Variants in SEC16A observed in about 807,000 individuals in gnomAD.
SEC16A encodes the protein SEC16 homolog A, endoplasmic reticulum export factor.
In SEC16A, 110 loss-of-function variants were observed where a neutral mutation model predicts 221.9. The observed-to-expected ratio is 0.50, with a 90% CI of 0.42 to 0.58. The LOEUF (loss-of-function observed/expected upper bound fraction) is 0.58, where lower values mean the gene tolerates loss of function less well. Ranked by LOEUF, SEC16A falls within the 20% of genes least tolerant of loss-of-function variation. The probability of loss-of-function intolerance (pLI) is 0.00; values close to 1 mark genes in which losing one functional copy is unlikely to be tolerated. For synonymous variants in SEC16A, 1,393 were observed against 1,257.7 expected, an observed-to-expected ratio of 1.11 and a Z score of -2.28; for missense variants, 3,165 against 3,097.8, an observed-to-expected ratio of 1.02 and a Z score of -0.52.
chr9:136,451,447 C>G (rs1211868438), intron 22 of SEC16A, 39 bp from the exon 23 acceptor site: 2 of 1,546,306 alleles, frequency 1.3e-6, no homozygotes, highest in Admixed American at 4.2e-5. Context: ...TCCTGGGGCT[C>G]CTCACAGGAA....
At chr9:136,455,562 G>T (rs780553489) in intron 20 of SEC16A, 39 bp downstream of exon 20, 1 of 1,508,182 alleles carries the variant, frequency 6.6e-7, no homozygotes, top group East Asian at 2.5e-5. Context: ...CAGGAAGCAG[G>T]GGCTTGTCTG....
chr9:136,476,079 G>T lies in SEC16A; in HGVS notation c.1537C>A (p.Leu513Met). Residue 513 changes from leucine (L) to methionine (M), a missense_variant, in exon 3 of 32, where the codon CTG becomes ATG. Physicochemically the swap from Leu to Met is conservative, Grantham distance 15. Coordinates refer to ENST00000684901, the MANE Select transcript of SEC16A (RefSeq NM_014866.2). The stretch of plus-strand genomic sequence containing the variant: ...ACGCTGTCAGGGTGCACTGTATGCA[G>T]TGTGGCATCAGGGGCTCCGGTGTGG... ...VCHTGAPDATLHTVHPDSVSS... is the reference protein window; with the variant it reads ...VCHTGAPDATMHTVHPDSVSS... 4.3e-6 allele frequency: 7 copies of T among 1,613,636 alleles called. No homozygotes were observed. The highest frequency in any genetic ancestry group is 5.9e-6 in the Non-Finnish European group (7 of 1,179,882).
At chr9:136,471,185 G>T (rs979754384) in intron 4 of SEC16A, among the ~76,000 whole-genome samples, 1 of 151,880 alleles carries the variant, frequency 6.6e-6, no homozygotes, top group Non-Finnish European at 1.5e-5. Flanking sequence ...AACATAGGCT[G>T]GCCGGGCGCA....
chr9:136,468,675 T>A (rs1462815195), intron 4 of SEC16A, among the ~76,000 whole-genome samples, 163 bp from the exon 5 acceptor site: 1 of 152,246 alleles, frequency 6.6e-6, no homozygotes, highest in Non-Finnish European at 1.5e-5. Context: ...GATGAGACTG[T>A]GGAATTTCCC....
chr9:136,472,101 C>T lies in SEC16A; in HGVS notation c.3578G>A (p.Ser1193Asn), dbSNP rs889888917. ...GGGCCTGTATCGAGGCTCATAGAGG[C>T]TGTAGACATCCTGTGGGAGGAAGCA... is the stretch of plus-strand genomic sequence containing the variant. The part of the protein sequence containing the change: ...AASLYYQDVY[S>N]LYEPRYRPYD... The change falls in exon 4 of 32, where the codon AGC (serine) becomes AAC (asparagine). Residue 1193 changes from serine to asparagine, a missense_variant. By Grantham distance (46) the Ser-to-Asn change is conservative. Transcript: ENST00000684901. The T allele has an allele frequency of 3.7e-6, 6 of 1,613,582 alleles. No individual in the cohort carries two copies. In the African/African-American group the frequency reaches 6.7e-5, roughly 18 times the overall value.
rs756764916 is a variant in SEC16A, at chr9:136,476,168, G to A, written c.1448C>T (p.Pro483Leu). ...GGGCCCATATCTGAACTGGTCACTC[G>A]GGGAGGAAGGGTCCAAATTGAGGGG... ...SEPLNLDPSS[P>L]SDQFRYGPLP... The change falls in exon 3 of 32, where the codon CCG (proline) becomes CTG (leucine). Residue 483 changes from proline (P) to leucine (L), a missense_variant. Pro to Leu is a moderately conservative substitution (Grantham distance 98, BLOSUM62 -3). Coordinates refer to ENST00000684901, the MANE Select transcript of SEC16A (RefSeq NM_014866.2). 88 of 1,613,756 alleles carry A rather than the reference G, an allele frequency of 5.5e-5. No homozygotes were observed. The highest frequency in any genetic ancestry group is 7.0e-5 in the Non-Finnish European group (83 of 1,179,906).
At chr9:136,451,462 AAG>A (rs1319842338) in intron 22 of SEC16A, 54 bp from the exon 23 acceptor site, 17 of 1,528,110 alleles carry the variant, frequency 1.1e-5, no homozygotes, top group Non-Finnish European at 1.4e-5. Flanking sequence ...CAGGAACCGA[AAG>A]AGAGAGGGGG....
At chr9:136,454,395 A>ACACTCGAC in intron 20 of SEC16A, 68 bp from the exon 21 acceptor site, 1 of 1,358,848 alleles carries the variant, frequency 7.4e-7, no homozygotes, top group Non-Finnish European at 1.0e-6. Context: ...GAAGGAGCTG[A>ACACTCGAC]CACTCGACGT....
chr9:136,476,994 C>T lies in SEC16A; in HGVS notation c.622G>A (p.Gly208Ser). Residue 208 changes from glycine (G) to serine (S), a missense_variant, in exon 3 of 32, where the codon GGT becomes AGT. Transcript: ENST00000684901. ...CCCCACTGTCCTGGCATCTGCAGACCAGGCTGAGGGAGGGAAGGGGATGCT... is the reference window on the plus strand; with the variant it reads ...CCCCACTGTCCTGGCATCTGCAGACTAGGCTGAGGGAGGGAAGGGGATGCT... ...PAASPSLPQP[G>S]LQMPGQWGPV... 1.2e-6 allele frequency: 2 copies of T among 1,613,424 alleles called. No individual in the cohort carries two copies. The highest frequency in any genetic ancestry group is 1.6e-4 in the Middle Eastern group (1 of 6,062).
chr9:136,475,228 T>G lies in SEC16A; in HGVS notation c.2388A>C (p.Lys796Asn). 6.2e-7 allele frequency: 1 copy of G among 1,613,578 alleles called. No individual in the cohort carries two copies. The highest frequency in any genetic ancestry group is 8.5e-7 in the Non-Finnish European group (1 of 1,179,834). ...ACTGAAGGGCCTCCTCCTCTCCCATTTTGGGAGGATTCTCAAGGTTCTCAG... is the reference window on the plus strand; with the variant it reads ...ACTGAAGGGCCTCCTCCTCTCCCATGTTGGGAGGATTCTCAAGGTTCTCAG... ...GASENLENPP[K>N]MGEEEALQSQ... The change falls in exon 3 of 32, where the codon AAA becomes AAC. Residue 796 changes from lysine (K) to asparagine (N), a missense_variant. Physicochemically the swap from Lys to Asn is moderately conservative, Grantham distance 94. Transcript: ENST00000684901. The surrounding 1 kb of genome is among the most constrained non-coding windows in gnomAD (Gnocchi z 5.0).
Position 136,453,421 on chromosome 9 carries a change from A to G in SEC16A, c.6159+7T>C. 1 of 1,609,890 alleles carries G rather than the reference A, an allele frequency of 6.2e-7. No homozygotes were observed. Among genetic ancestry groups the G allele is most frequent in the Non-Finnish European group, 8.5e-7 (1 of 1,176,376 alleles). On this transcript the variant is annotated splice_region_variant and intron_variant, in intron 22 of 31. Transcript: ENST00000684901. ...AACAAACAGTTTAAGAAAATGTGAC[A>G]AAGTACCAGATTAGCAAATTTTCCA...
intron 2 of SEC16A, among the ~76,000 whole-genome samples, chr9:136,478,059 T>C (rs553156204): frequency 2.0e-5 from 3 of 152,292 alleles, no homozygotes; most frequent in Non-Finnish European, 2.9e-5. Context: ...AGATACTCAA[T>C]GTTTTCCTGT....
At chr9:136,469,923 C>T (rs547499132) in intron 4 of SEC16A, among the ~76,000 whole-genome samples, 27 of 152,358 alleles carry the variant, frequency 1.8e-4, no homozygotes, top group Non-Finnish European at 3.1e-4. Flanking sequence ...TGAGTGGCCA[C>T]AGCAGGTTCT....
intron 4 of SEC16A, among the ~76,000 whole-genome samples, chr9:136,469,232 C>G (rs897658971): frequency 6.6e-6 from 1 of 152,122 alleles, no homozygotes; most frequent in Admixed American, 6.5e-5. Flanking sequence ...TCCCTGTACC[C>G]GTGCAGGGTA....
Position 136,475,040 on chromosome 9 carries a change from C to A in SEC16A, c.2576G>T (p.Trp859Leu). 3 of 1,613,714 alleles carry A rather than the reference C, an allele frequency of 1.9e-6. No homozygotes were observed. Among genetic ancestry groups the A allele is most frequent in the Non-Finnish European group, 2.5e-6 (3 of 1,179,844 alleles). Residue 859 changes from tryptophan to leucine, a missense_variant, in exon 3 of 32, where the codon TGG becomes TTG. Trp to Leu is a moderately conservative substitution (Grantham distance 61). This residue lies in a region of SEC16A where 2,030 missense variants were observed against 1,923.1 expected (regional missense o/e 1.06). Transcript: ENST00000684901. This position sits in a 1 kb window ranked among gnomAD's most constrained non-coding sequence, Gnocchi z 5.0. Reference sequence around the variant, plus strand: ...TCTATCCCCCACCAAAGCCTCTCTCCAGGACTGATTCTTCTCATGAGAGTT... The same window carrying A: ...TCTATCCCCCACCAAAGCCTCTCTCAAGGACTGATTCTTCTCATGAGAGTT... Reference protein sequence around the residue: ...LSNSHEKNQSWREALVGDRPA... With the variant: ...LSNSHEKNQSLREALVGDRPA...
In SEC16A at chr9:136,471,990, TCCGAGG is replaced by T. The variant is rs1251701736; in HGVS notation, c.3683_3688del (p.Ser1228_Glu1230delinsTer). On this transcript the variant is annotated stop_gained and inframe_deletion, in exon 4 of 32. Coordinates refer to ENST00000684901, the MANE Select transcript of SEC16A (RefSeq NM_014866.2). LOFTEE classifies it high-confidence loss of function. Reference sequence around the variant, plus strand: ...GCGGCCGCACCTGGGAGGTGGCCGTTCCGAGGAGTGGCTGGCTCGGGAGCTGGGCCG... The same window carrying T: ...GCGGCCGCACCTGGGAGGTGGCCGTTAGTGGCTGGCTCGGGAGCTGGGCCG... 1 of 1,612,264 alleles carries T rather than the reference TCCGAGG, an allele frequency of 6.2e-7. No homozygotes were observed.
At chr9:136,464,315 G>A (rs1473187413) in intron 9 of SEC16A, 105 bp downstream of exon 9, 11 of 1,071,680 alleles carry the variant, frequency 1.0e-5, no homozygotes, top group Admixed American at 6.1e-5. Context: ...TTCCAAGGAC[G>A]TATGTCCAGA....
At chr9:136,464,190 C>G (rs1839866947) in intron 9 of SEC16A, among the ~76,000 whole-genome samples, 1 of 150,948 alleles carries the variant, frequency 6.6e-6, no homozygotes, top group East Asian at 2.0e-4. Context: ...CATATACAAT[C>G]AAACCACGTT....
Position 136,459,989 on chromosome 9 carries a change from A to C in SEC16A, c.5073+53T>G. ...GCCTGTGACAGCGTCACCCACGAGC[A>C]AACTCCACACAGGCAGTGGAGCCTG... is the stretch of plus-strand genomic sequence containing the variant. On this transcript the variant is annotated intron_variant, in intron 14 of 31. Transcript: ENST00000684901. The surrounding 1 kb of genome is among the most constrained non-coding windows in gnomAD (Gnocchi z 6.1). The C allele has an allele frequency of 6.4e-7, 1 of 1,557,056 alleles. No individual in the cohort carries two copies. Among genetic ancestry groups the C allele is most frequent in the South Asian group, 1.2e-5 (1 of 86,328 alleles).
Sources: allele counts gnomAD v4.1 joint callset (sites outside exome capture counted in the v4.1 genomes callset), GRCh38; gene constraint gnomAD v4.1.1; regional missense constraint gnomAD v4.1.1; non-coding constraint Gnocchi (gnomAD v3.1); transcripts MANE v1.5; gene names NCBI Gene and HGNC (gene_info 2026-07-23, HGNC 2026-07-21).